The following NTRK2 variants were observed in gnomAD, a reference collection of about 807,000 sequenced individuals.
NTRK2 encodes the protein neurotrophic receptor tyrosine kinase 2.
NTRK2 carries 13 observed loss-of-function variants against 94.5 expected under a neutral mutation model. That is an observed-to-expected ratio of 0.14 (90% confidence interval 0.09 to 0.22). The LOEUF (loss-of-function observed/expected upper bound fraction) is 0.22. Among genes scored for constraint, NTRK2 ranks in the 10% least tolerant of loss-of-function variants. NTRK2 has a pLI of 1.00. For synonymous variants in NTRK2, 372 were observed against 407.4 expected (o/e 0.91, Z 1.05); for missense variants, 639 against 1,071.2 (o/e 0.60, Z 5.63).
chr9:84,818,171 T>C (rs2072545660), intron 12 of NTRK2, among the ~76,000 whole-genome samples: 1 of 152,156 alleles, frequency 6.6e-6, no homozygotes, highest in African/African-American at 2.4e-5. Flanking sequence ...AATGGAGCCA[T>C]GAGGGACGTG....
At chr9:84,896,534 T>A (rs888892506) in intron 14 of NTRK2, among the ~76,000 whole-genome samples, 13 of 152,228 alleles carry the variant, frequency 8.5e-5, no homozygotes, top group African/African-American at 3.1e-4. Flanking sequence ...GTCTCTAAAG[T>A]GATTTAGTGT....
chr9:84,860,454 CT>C (rs1400298460), intron 12 of NTRK2, among the ~76,000 whole-genome samples: 3 of 152,126 alleles, frequency 2.0e-5, no homozygotes, highest in Non-Finnish European at 4.4e-5. Flanking sequence ...GAATTAAGAT[CT>C]TTTTTTCCCT....
chr9:84,855,504 T>G (rs143831510), intron 12 of NTRK2, among the ~76,000 whole-genome samples: 2 of 151,874 alleles, frequency 1.3e-5, no homozygotes, highest in African/African-American at 4.8e-5. Context: ...AAAATGCAAA[T>G]GTGCACCGAC....
At chr9:85,009,027 C>T (rs556028541) in intron 17 of NTRK2, among the ~76,000 whole-genome samples, 79 of 152,282 alleles carry the variant, frequency 5.2e-4, no homozygotes, top group Middle Eastern at 3.4e-3. Flanking sequence ...GATTTATTTA[C>T]GTTCAGCTAG....
At chr9:84,670,193 G>A (rs2058613410) in intron 1 of NTRK2, among the ~76,000 whole-genome samples, 184 bp from the exon 2 acceptor site, 1 of 152,158 alleles carries the variant, frequency 6.6e-6, no homozygotes, top group Admixed American at 6.5e-5. Context: ...GCACACTGGT[G>A]GCTCCAGCGG....
intron 12 of NTRK2, chr9:84,811,948 G>T: frequency 1.9e-6 from 2 of 1,049,188 alleles, no homozygotes; most frequent in East Asian, 5.4e-5. Flanking sequence ...TTATCAGGAG[G>T]ACTTCAGAGC....
rs540326737 is a variant in NTRK2, at chr9:84,778,211, C to T, written c.1396+26126C>T. Among the ~76,000 whole-genome samples the T allele has an allele frequency of 4.0e-4, 61 of 151,418 alleles. No individual in the cohort carries two copies. In the South Asian group the frequency reaches 9.1e-3, roughly 23 times the overall value. ...CTGGGAGGCAGAGGTTGCAGAGAGCCGAGATCATACCACTGTACTCCATCC... is the reference window on the plus strand; with the variant it reads ...CTGGGAGGCAGAGGTTGCAGAGAGCTGAGATCATACCACTGTACTCCATCC... On this transcript the variant is annotated intron_variant, in intron 12 of 18. Coordinates refer to ENST00000277120, the MANE Select transcript of NTRK2 (RefSeq NM_006180.6).
intron 15 of NTRK2, among the ~76,000 whole-genome samples, chr9:84,939,932 CAG>C (rs1315300951): frequency 6.6e-6 from 1 of 152,148 alleles, no homozygotes; most frequent in Non-Finnish European, 1.5e-5. Context: ...AGCAATGACT[CAG>C]GGCTTAGATC....
chr9:84,976,698 T>C (rs1342591632), intron 17 of NTRK2, among the ~76,000 whole-genome samples: 4 of 152,116 alleles, frequency 2.6e-5, no homozygotes, highest in Non-Finnish European at 2.9e-5. Flanking sequence ...CTTGCTCTGT[T>C]TGACAGAGGT....
At chr9:84,760,928 A>T (rs762229179) in intron 12 of NTRK2, among the ~76,000 whole-genome samples, 1 of 152,246 alleles carries the variant, frequency 6.6e-6, no homozygotes, top group Non-Finnish European at 1.5e-5. Flanking sequence ...GCCTGCTAGA[A>T]AGGAAAAGAG....
At chr9:84,717,421 T>C (rs1689520393) in intron 6 of NTRK2, among the ~76,000 whole-genome samples, 1 of 152,214 alleles carries the variant, frequency 6.6e-6, no homozygotes, top group Admixed American at 6.5e-5. Flanking sequence ...TTGAAGCACC[T>C]AGTCAATTTG....
In NTRK2 at chr9:84,718,075, CT is replaced by C. The variant is rs200916575; in HGVS notation, c.584-5489del. The stretch of plus-strand genomic sequence containing the variant: ...TTCTTCCTCCTCTTCTTTCTTCTTC[CT>C]TTTTTTTTGTAATCTTGGATTTTTT... On this transcript the variant is annotated intron_variant, in intron 6 of 18. Coordinates refer to ENST00000277120, the MANE Select transcript of NTRK2 (RefSeq NM_006180.6). Among the ~76,000 whole-genome samples the C allele has an allele frequency of 6.0e-5, 9 of 149,324 alleles. No homozygotes were observed. The South Asian group carries it at 6.4e-4, about 11-fold the overall frequency.
chr9:84,934,116 C>G, intron 14 of NTRK2, 46 bp from the exon 15 acceptor site: 1 of 1,611,994 alleles, frequency 6.2e-7, no homozygotes. Context: ...CTGCCTTCAC[C>G]TCCACATGCT....
chr9:84,978,916 G>A (rs565388613), intron 17 of NTRK2, among the ~76,000 whole-genome samples: 6 of 152,332 alleles, frequency 3.9e-5, no homozygotes, highest in African/African-American at 1.4e-4. Flanking sequence ...CTGGATGACA[G>A]CACATCTGTT....
At chr9:85,011,263 T>G (rs543037451) in intron 17 of NTRK2, among the ~76,000 whole-genome samples, 1 of 152,192 alleles carries the variant, frequency 6.6e-6, no homozygotes, top group East Asian at 1.9e-4. Context: ...GGCCACAGAT[T>G]TGGATTCTGG....
At chr9:84,941,962 G>C (rs1255971125) in intron 15 of NTRK2, among the ~76,000 whole-genome samples, 1 of 152,204 alleles carries the variant, frequency 6.6e-6, no homozygotes, top group Non-Finnish European at 1.5e-5. Flanking sequence ...GGAAGAGCCA[G>C]TATGGCTGAG....
intron 14 of NTRK2, among the ~76,000 whole-genome samples, chr9:84,913,418 A>G (rs1259597723): frequency 6.6e-6 from 1 of 152,176 alleles, no homozygotes; most frequent in African/African-American, 2.4e-5. Flanking sequence ...TAAAATCACA[A>G]CAGAAAATGT....
Position 84,751,982 on chromosome 9 carries a change from C to G in NTRK2, c.1297-4C>G, listed in dbSNP as rs763874887. ...TTATAACCACCCTCCCTTCCTTTCTCTAGGTCTATGCTGTGGTGGTGATTG... is the reference window on the plus strand; with the variant it reads ...TTATAACCACCCTCCCTTCCTTTCTGTAGGTCTATGCTGTGGTGGTGATTG... On this transcript the variant is annotated splice_region_variant and splice_polypyrimidine_tract_variant and intron_variant, in intron 11 of 18. Transcript: ENST00000277120. 5.6e-6 allele frequency: 9 copies of G among 1,613,430 alleles called. No individual in the cohort carries two copies. The highest frequency in any genetic ancestry group is 1.7e-5 in the Admixed American group (1 of 60,018).
intron 12 of NTRK2, among the ~76,000 whole-genome samples, chr9:84,810,076 A>T (rs910775168): frequency 6.6e-6 from 1 of 152,144 alleles, no homozygotes. Context: ...GTTGAAACTA[A>T]TTCCCCCCAC....
Sources: allele counts gnomAD v4.1 joint callset (sites outside exome capture counted in the v4.1 genomes callset), GRCh38; gene constraint gnomAD v4.1.1; transcripts MANE v1.5; gene names NCBI Gene and HGNC (gene_info 2026-07-23, HGNC 2026-07-21).